COA6: variants seen among roughly 807,000 people sequenced by gnomAD.
COA6 encodes cytochrome c oxidase assembly factor 6 homolog.
In COA6, 12 loss-of-function variants were observed where a neutral mutation model predicts 17.1. The observed-to-expected ratio is 0.70, with a 90% CI of 0.45 to 1.14. The LOEUF is 1.14. Among genes scored for constraint, COA6 ranks in the 50% most tolerant of loss-of-function variants. The pLI is 0.00. For missense variants in COA6, 246 were observed against 196.5 expected, an observed-to-expected ratio of 1.25 and a Z score of -1.51; for synonymous variants, 90 against 73.4, an observed-to-expected ratio of 1.23 and a Z score of -1.16.
intron 2 of COA6, among the ~76,000 whole-genome samples, chr1:234,379,323 G>C (rs1467324422): frequency 1.3e-5 from 2 of 152,114 alleles, no homozygotes; most frequent in African/African-American, 4.8e-5. Context: ...TTAAGTCCAA[G>C]AGGGAATGTT....
intron 2 of COA6, among the ~76,000 whole-genome samples, chr1:234,378,649 G>A (rs139897149): frequency 2.8e-3 from 421 of 152,216 alleles, no homozygotes; most frequent in African/African-American, 9.5e-3. Context: ...CGAGGTGGGC[G>A]GATCACCTGA....
At chr1:234,383,615 T>G in intron 2 of COA6, 108 bp from the exon 3 acceptor site, 1 of 596,520 alleles carries the variant, frequency 1.7e-6, no homozygotes, top group Non-Finnish European at 3.0e-6. Context: ...TTCTAGAATA[T>G]AAATCACTTA....
At chr1:234,374,734 A>G (rs1658739358) in intron 2 of COA6, among the ~76,000 whole-genome samples, 1 of 152,162 alleles carries the variant, frequency 6.6e-6, no homozygotes, top group South Asian at 2.1e-4. Flanking sequence ...ACCTAGAGCT[A>G]CTATCAGAAA....
Position 234,384,842 on chromosome 1 carries a change from G to T in COA6, c.*1024G>T, listed in dbSNP as rs141771739. 1.3e-3 allele frequency among the ~76,000 whole-genome samples: 201 copies of T among 152,338 alleles called. No individual in the cohort carries two copies. The highest frequency in any genetic ancestry group is 4.8e-3 in the African/African-American group (200 of 41,576). On this transcript the variant is annotated 3_prime_UTR_variant, in exon 3 of 3. Coordinates refer to ENST00000366615, the MANE Select transcript of COA6 (RefSeq NM_001206641.3). Reference sequence around the variant, plus strand: ...ATTAGGTATTGTAAGTCATTGAGATGATTTAAAGTATAGGCATACCTCAAA... The same window carrying T: ...ATTAGGTATTGTAAGTCATTGAGATTATTTAAAGTATAGGCATACCTCAAA...
chr1:234,373,708 G>A (rs750299869), intron 1 of COA6, 30 bp downstream of exon 1: 27 of 1,613,574 alleles, frequency 1.7e-5, no homozygotes, highest in Admixed American at 3.3e-5. Context: ...CGGGTGGGGC[G>A]CGCGTGGACT....
In COA6 at chr1:234,377,059, C is replaced by CACCCAACAGAGAGAGAGA. The variant is rs141978217; in HGVS notation, c.372+2670_372+2671insACCCAACAGAGAGAGAGA. On this transcript the variant is annotated intron_variant, in intron 2 of 2. Transcript: ENST00000366615. ...GACAGCTACCTTCTTGCTGTGTTGC[C>CACCCAACAGAGAGAGAGA]GAGAGAGAGAGAGAGAGAGAGAGAG... Among the ~76,000 whole-genome samples the CACCCAACAGAGAGAGAGA allele has an allele frequency of 2.4e-5, 2 of 82,640 alleles. 1 individual carries two copies. The highest frequency in any genetic ancestry group is 1.2e-4 in the African/African-American group (2 of 16,658). 54.2% of individuals were successfully genotyped at this position (82,640 alleles called of 152,430 possible). A position where few individuals can be genotyped will look rare whatever the true frequency, so the allele number is the denominator to read the frequency against.
intron 1 of COA6, 124 bp from the exon 2 acceptor site, chr1:234,374,106 G>GTTTTTTTTTT: frequency 1.0e-6 from 1 of 997,662 alleles, no homozygotes; most frequent in East Asian, 2.7e-5. Context: ...GTTTTGTTTT[G>GTTTTTTTTTT]TTTTTGTTTT....
chr1:234,378,979 G>A (rs12024011), intron 2 of COA6, among the ~76,000 whole-genome samples: 67,468 of 150,468 alleles, frequency 0.45, 16,424 homozygotes, highest in African/African-American at 0.63. Flanking sequence ...GCCAAGAGAC[G>A]GGAGGCCAGG....
chr1:234,378,741 T>C (rs781622432), intron 2 of COA6, among the ~76,000 whole-genome samples: 15 of 152,016 alleles, frequency 9.9e-5, no homozygotes, highest in Non-Finnish European at 1.9e-4. Context: ...GGTGTGATGG[T>C]GGGCACCTGT....
rs1049884849 is a variant in COA6, at chr1:234,384,999, CATT to C, written c.*1184_*1186del. ...CTGTTGTCTAGTAAGTGTGCAATAG[CATT>C]ATGTCTGCTCAGTATATATGCCTTC... On this transcript the variant is annotated 3_prime_UTR_variant, in exon 3 of 3. Coordinates refer to ENST00000366615, the MANE Select transcript of COA6 (RefSeq NM_001206641.3). Among the ~76,000 whole-genome samples the C allele has an allele frequency of 4.6e-5, 7 of 152,086 alleles. No homozygotes were observed. The highest frequency in any genetic ancestry group is 6.3e-3 in the Middle Eastern group (2 of 316).
chr1:234,377,133 T>TTTTGTTGTTG lies in COA6; in HGVS notation c.372+2746_372+2747insTGTTGTTGTT, dbSNP rs60899682. On this transcript the variant is annotated intron_variant, in intron 2 of 2. Transcript: ENST00000366615. ...CTCTGTCTCCTCTTTTTTTGTTTTTTTTGTTGTTGTTGAGACAGAGTCTCA... is the reference window on the plus strand; with the variant it reads ...CTCTGTCTCCTCTTTTTTTGTTTTTTTTTGTTGTTGTTGTTGTTGTTGAGACAGAGTCTCA... Among the ~76,000 whole-genome samples, 7 of 69,546 alleles carry TTTTGTTGTTG rather than the reference T, an allele frequency of 1.0e-4. 2 individuals are homozygous for TTTTGTTGTTG. Among genetic ancestry groups the TTTTGTTGTTG allele is most frequent in the African/African-American group, 5.5e-4 (6 of 10,902 alleles). The allele number at this position is 69,546 out of a possible 152,430, so 45.6% of individuals were successfully genotyped here.
Position 234,384,022 on chromosome 1 carries a change from A to C in COA6, c.*204A>C, listed in dbSNP as rs1355495157. 7 of 430,688 alleles carry C rather than the reference A, an allele frequency of 1.6e-5. No individual in the cohort carries two copies. In the East Asian group the frequency reaches 2.5e-4, roughly 16 times the overall value. 26.7% of individuals were successfully genotyped at this position (430,688 alleles called of 1,614,324 possible). A position where few individuals can be genotyped will look rare whatever the true frequency, so the allele number is the denominator to read the frequency against. ...GTAAGAAATCTCTATTTTAAGAAAA[A>C]AAGTAAAACCTGTTATAAACACATG... On this transcript the variant is annotated 3_prime_UTR_variant, in exon 3 of 3. Transcript: ENST00000366615.
At chr1:234,383,438 T>C (rs990584342) in intron 2 of COA6, among the ~76,000 whole-genome samples, 2 of 151,734 alleles carry the variant, frequency 1.3e-5, no homozygotes, top group Non-Finnish European at 1.5e-5. Context: ...TAATGTTAAA[T>C]GGCGAGTTAC....
At chr1:234,382,747 C>T (rs1054701675) in intron 2 of COA6, among the ~76,000 whole-genome samples, 17 of 152,124 alleles carry the variant, frequency 1.1e-4, no homozygotes, top group Non-Finnish European at 1.9e-4. Flanking sequence ...TGGTGGCTCA[C>T]GCCTGCCAGC....
At position 234,373,470 on chromosome 1, in the gene COA6, G is replaced by A. The variant is rs1426345919; in HGVS notation, c.4G>A (p.Val2Ile). 4 of 1,525,020 alleles carry A rather than the reference G, an allele frequency of 2.6e-6. No individual in the cohort carries two copies. The highest frequency in any genetic ancestry group is 3.5e-6 in the Non-Finnish European group (4 of 1,136,162). 94.5% of individuals were successfully genotyped at this position (1,525,020 alleles called of 1,614,324 possible). The change falls in exon 1 of 3, where the codon GTA (valine) becomes ATA (isoleucine). Residue 2 changes from valine to isoleucine, a missense_variant. Val to Ile is a conservative substitution (Grantham distance 29). Transcript: ENST00000366615. M[V>I]ARKGQKSPRF... The stretch of plus-strand genomic sequence containing the variant: ...CCCGCCCCTCTATGGAAAGTAAATG[G>A]TAGCTCGGAAGGGTCAAAAGAGTCC...
chr1:234,381,981 A>G (rs1211942866), intron 2 of COA6, among the ~76,000 whole-genome samples: 1 of 152,212 alleles, frequency 6.6e-6, no homozygotes, highest in Admixed American at 6.5e-5. Flanking sequence ...TATAACATCC[A>G]TCCTAGCCCA....
chr1:234,381,903 T>G (rs925075791), intron 2 of COA6, among the ~76,000 whole-genome samples: 2 of 152,200 alleles, frequency 1.3e-5, no homozygotes, highest in African/African-American at 4.8e-5. Flanking sequence ...TGACAGGACA[T>G]GCAAACATCT....
In COA6 at chr1:234,373,689, T is replaced by A. The variant is rs1293650124; in HGVS notation, c.212+11T>A. On this transcript the variant is annotated intron_variant, in intron 1 of 2. Transcript: ENST00000366615. ...TGGGCGGGCAGAGAGGTCGGCTTGCTGATGGGTCCGGGTGGGGCGCGCGTG... is the reference window on the plus strand; with the variant it reads ...TGGGCGGGCAGAGAGGTCGGCTTGCAGATGGGTCCGGGTGGGGCGCGCGTG... The A allele has an allele frequency of 6.2e-7, 1 of 1,612,880 alleles. No homozygotes were observed. Among genetic ancestry groups the A allele is most frequent in the Admixed American group, 1.7e-5 (1 of 59,990 alleles).
intron 2 of COA6, among the ~76,000 whole-genome samples, chr1:234,383,311 C>T (rs1472697256): frequency 2.7e-5 from 4 of 147,556 alleles, no homozygotes; most frequent in East Asian, 4.0e-4. Flanking sequence ...TCATCAAATG[C>T]CTCAATTCAA....
Sources: gnomAD v4.1 joint callset for allele counts (sites outside exome capture counted in the v4.1 genomes callset) on GRCh38, gnomAD v4.1.1 for gene constraint, MANE v1.5 for transcripts, NCBI Gene and HGNC (gene_info 2026-07-23, HGNC 2026-07-21) for gene names.